Variants in ADGRL2 observed in about 807,000 individuals in gnomAD.
ADGRL2 encodes adhesion G protein-coupled receptor L2, also known as calcium-independent alpha-latrotoxin receptor 2.
ADGRL2 carries 44 observed loss-of-function variants against 157.4 expected under a neutral mutation model. The ratio of observed to expected loss-of-function variants is 0.28; its 90% CI spans 0.22 to 0.36. The LOEUF is 0.36. ADGRL2 is among the 10% of genes least tolerant of loss of function. The pLI, the probability that ADGRL2 is intolerant of heterozygous loss-of-function variation, is 1.00. For missense variants in ADGRL2, 1,510 were observed against 1,768.9 expected, an observed-to-expected ratio of 0.85 and a Z score of 2.63; for synonymous variants, 585 against 624.7, an observed-to-expected ratio of 0.94 and a Z score of 0.95.
At chr1:81,954,213 CT>C (rs140156138) in intron 10 of ADGRL2, among the ~76,000 whole-genome samples, 73 of 147,892 alleles carry the variant, frequency 4.9e-4, no homozygotes, top group African/African-American at 5.0e-4. Flanking sequence ...AAAAGAATAG[CT>C]TTTTTTTTTT....
chr1:81,764,002 T>C (rs1014991113), intron 2 of ADGRL2, among the ~76,000 whole-genome samples: 5 of 151,440 alleles, frequency 3.3e-5, no homozygotes, highest in African/African-American at 1.2e-4. Flanking sequence ...AGACTCTGTA[T>C]CAAAAAAACA....
At chr1:81,428,219 G>C (rs2077254440) in intron 1 of ADGRL2, among the ~76,000 whole-genome samples, 1 of 152,008 alleles carries the variant, frequency 6.6e-6, no homozygotes. Flanking sequence ...GGACAGAATA[G>C]ATATTTGTGT....
intron 2 of ADGRL2, among the ~76,000 whole-genome samples, chr1:81,770,134 C>T (rs1329653397): frequency 7.1e-5 from 10 of 141,700 alleles, no homozygotes; most frequent in Middle Eastern, 4.1e-3. Flanking sequence ...GGATTACAGG[C>T]ATGAGCCACT....
chr1:81,627,216 A>G (rs2081928300), intron 3 of ADGRL2, among the ~76,000 whole-genome samples: 4 of 152,186 alleles, frequency 2.6e-5, no homozygotes. Context: ...TTTCTTTAAA[A>G]GCCACATACT....
At chr1:81,643,820 C>A (rs920073718) in intron 3 of ADGRL2, among the ~76,000 whole-genome samples, 2 of 152,194 alleles carry the variant, frequency 1.3e-5, no homozygotes, top group African/African-American at 4.8e-5. Flanking sequence ...GATGTCAGTT[C>A]TTCCCAACTA....
At chr1:81,607,245 A>C (rs2081453156) in intron 3 of ADGRL2, among the ~76,000 whole-genome samples, 1 of 152,206 alleles carries the variant, frequency 6.6e-6, no homozygotes, top group African/African-American at 2.4e-5. Flanking sequence ...ACTCGAAGTT[A>C]AACCAAAACT....
At chr1:81,366,821 G>A (rs899410484) in intron 1 of ADGRL2, among the ~76,000 whole-genome samples, 1 of 152,172 alleles carries the variant, frequency 6.6e-6, no homozygotes. Flanking sequence ...TCTATGTGAT[G>A]AGATTCTCTT....
intron 1 of ADGRL2, among the ~76,000 whole-genome samples, chr1:81,732,172 A>G (rs2084747754): frequency 1.3e-5 from 2 of 152,210 alleles, no homozygotes; most frequent in Non-Finnish European, 2.9e-5. Flanking sequence ...ACACAGAAGA[A>G]AGGAATGTTA....
In ADGRL2 at chr1:81,314,465, C is replaced by G. The variant is rs114937032; in HGVS notation, c.-302+7956C>G. Among the ~76,000 whole-genome samples the G allele has an allele frequency of 8.6e-3, 1,313 of 152,084 alleles. 16 individuals are homozygous for G. Among genetic ancestry groups the G allele is most frequent in the African/African-American group, 0.03 (1,253 of 41,466 alleles). On this transcript the variant is annotated intron_variant, in intron 1 of 24. Coordinates refer to the ADGRL2 transcript ENST00000370721. ...GTTTGTACCCAGAGCAGGGTTTGCC[C>G]TCAGTAATATCAGCTCAGAACCATT...
At chr1:81,888,102 A>G (rs1453854328) in intron 2 of ADGRL2, among the ~76,000 whole-genome samples, 1 of 152,190 alleles carries the variant, frequency 6.6e-6, no homozygotes, top group Non-Finnish European at 1.5e-5. Context: ...CTCCTTTTAG[A>G]ACGATGAAAG....
At chr1:81,413,093 A>G (rs1351203987) in intron 1 of ADGRL2, among the ~76,000 whole-genome samples, 1 of 152,104 alleles carries the variant, frequency 6.6e-6, no homozygotes, top group Admixed American at 6.5e-5. Flanking sequence ...TATTCCTCTA[A>G]TTACCTTCGA....
intron 2 of ADGRL2, among the ~76,000 whole-genome samples, chr1:81,888,381 C>T (rs761169580): frequency 4.8e-4 from 73 of 152,028 alleles, no homozygotes; most frequent in Admixed American, 9.2e-4. Flanking sequence ...TAAATGAGTC[C>T]GGCATATAGG....
chr1:81,409,281 A>C (rs1447592758), intron 1 of ADGRL2, among the ~76,000 whole-genome samples: 2 of 90,950 alleles, frequency 2.2e-5, no homozygotes, highest in Non-Finnish European at 4.3e-5. Context: ...CTACCTCTGG[A>C]AGGAACACAA....
intron 2 of ADGRL2, among the ~76,000 whole-genome samples, chr1:81,899,127 T>TA (rs1348424514): frequency 6.6e-6 from 1 of 152,212 alleles, no homozygotes; most frequent in East Asian, 1.9e-4. Flanking sequence ...TACAGCGTAG[T>TA]AAGAACACTT....
intron 11 of ADGRL2, among the ~76,000 whole-genome samples, chr1:81,959,096 C>T (rs1296296317): frequency 1.3e-5 from 2 of 151,972 alleles, no homozygotes. Context: ...GCCATTTTTC[C>T]AAGTGGTTGT....
chr1:81,891,325 A>G (rs913041795), intron 2 of ADGRL2, among the ~76,000 whole-genome samples: 5 of 151,952 alleles, frequency 3.3e-5, no homozygotes, highest in African/African-American at 1.2e-4. Context: ...TTGTCTCAAC[A>G]TTTTTATTCA....
chr1:81,520,288 T>C (rs2079281975), intron 2 of ADGRL2, among the ~76,000 whole-genome samples: 1 of 152,186 alleles, frequency 6.6e-6, no homozygotes, highest in African/African-American at 2.4e-5. Flanking sequence ...TCACTACTCA[T>C]CTACTGTTTA....
chr1:81,570,252 A>T (rs758543924), intron 2 of ADGRL2, among the ~76,000 whole-genome samples: 2 of 152,196 alleles, frequency 1.3e-5, no homozygotes, highest in Admixed American at 1.3e-4. Flanking sequence ...AAAATATATT[A>T]TTAGAAAAGT....
chr1:81,704,212 T>C (rs1306053828), intron 1 of ADGRL2, among the ~76,000 whole-genome samples: 9 of 152,222 alleles, frequency 5.9e-5, no homozygotes, highest in Non-Finnish European at 1.3e-4. Flanking sequence ...TTAAATCTAA[T>C]ACCTGTGCAT....
Sources: gnomAD v4.1 joint callset for allele counts (sites outside exome capture counted in the v4.1 genomes callset) on GRCh38, gnomAD v4.1.1 for gene constraint, MANE v1.5 for transcripts, NCBI Gene and HGNC (gene_info 2026-07-23, HGNC 2026-07-21) for gene names.